PAK5: variants seen among roughly 807,000 people sequenced by gnomAD.
PAK5 encodes p21 (RAC1) activated kinase 5, also known as serine/threonine-protein kinase PAK 5.
PAK5 carries 16 observed loss-of-function variants against 65.9 expected under a neutral mutation model. The ratio of observed to expected loss-of-function variants is 0.24; its 90% CI spans 0.16 to 0.37. PAK5 has a LOEUF of 0.37. Ranked by LOEUF, PAK5 falls within the 10% of genes least tolerant of loss-of-function variation. The pLI is 1.00. For synonymous variants in PAK5, 371 were observed against 354.9 expected, an observed-to-expected ratio of 1.05 and a Z score of -0.51; for missense variants, 785 against 903.9, an observed-to-expected ratio of 0.87 and a Z score of 1.69.
chr20:9,824,352 A>G (rs2123778101), intron 1 of PAK5, among the ~76,000 whole-genome samples: 1 of 152,312 alleles, frequency 6.6e-6, no homozygotes, highest in Admixed American at 6.5e-5. Flanking sequence ...CCAGGAGTTC[A>G]AGACCAGCCT....
intron 3 of PAK5, among the ~76,000 whole-genome samples, chr20:9,609,541 G>C (rs932814624): frequency 2.6e-5 from 4 of 152,170 alleles, no homozygotes; most frequent in Non-Finnish European, 2.9e-5. Context: ...TATGGTGGGG[G>C]TCACATGGAG....
chr20:9,600,586 A>G (rs886594539), intron 3 of PAK5, among the ~76,000 whole-genome samples: 2 of 152,138 alleles, frequency 1.3e-5, no homozygotes, highest in Non-Finnish European at 2.9e-5. Flanking sequence ...ACACAGACTT[A>G]TTTGTCATAA....
intron 7 of PAK5, among the ~76,000 whole-genome samples, chr20:9,546,235 T>C (rs1043187849): frequency 1.3e-5 from 2 of 152,222 alleles, no homozygotes; most frequent in African/African-American, 4.8e-5. Flanking sequence ...TATTAATGTT[T>C]TGCTGTGTGG....
At chr20:9,798,712 G>A (rs550468167) in intron 1 of PAK5, among the ~76,000 whole-genome samples, 4 of 152,242 alleles carry the variant, frequency 2.6e-5, no homozygotes, top group South Asian at 4.1e-4. Context: ...TTTGGGGCTC[G>A]TGAATTTGTA....
At chr20:9,606,662 G>A (rs2046459976) in intron 3 of PAK5, among the ~76,000 whole-genome samples, 1 of 152,160 alleles carries the variant, frequency 6.6e-6, no homozygotes. Flanking sequence ...AGTTGGCAAC[G>A]GTGACCCATG....
chr20:9,768,639 C>T lies in PAK5; in HGVS notation c.-161-57204G>A, dbSNP rs534295420. Among the ~76,000 whole-genome samples, 12 of 151,648 alleles carry T rather than the reference C, an allele frequency of 7.9e-5. No homozygotes were observed. In the South Asian group the frequency reaches 1.3e-3, roughly 16 times the overall value. ...CTCTACTAAAAATACAAAAATTATA[C>T]GGGTATGGTGGCGCGCGGCTGTAGT... On this transcript the variant is annotated intron_variant, in intron 1 of 9. Transcript: ENST00000353224.
chr20:9,703,350 T>C (rs1007370708), intron 2 of PAK5, among the ~76,000 whole-genome samples: 5 of 152,172 alleles, frequency 3.3e-5, no homozygotes, highest in African/African-American at 1.2e-4. Flanking sequence ...AGAATGACCC[T>C]GTATGGTGCA....
chr20:9,629,951 T>C (rs2046900382), intron 3 of PAK5, among the ~76,000 whole-genome samples: 1 of 152,112 alleles, frequency 6.6e-6, no homozygotes, highest in South Asian at 2.1e-4. Flanking sequence ...AATCGGAAAC[T>C]GAAGGAAGGA....
chr20:9,547,818 C>A (rs2045367722), intron 7 of PAK5, among the ~76,000 whole-genome samples: 1 of 152,102 alleles, frequency 6.6e-6, no homozygotes, highest in Admixed American at 6.5e-5. Flanking sequence ...CAAGCCCCAC[C>A]CCAGACCTAC....
At chr20:9,748,789 C>T (rs918758080) in intron 1 of PAK5, among the ~76,000 whole-genome samples, 14 of 152,252 alleles carry the variant, frequency 9.2e-5, no homozygotes, top group Admixed American at 2.0e-4. Flanking sequence ...CTGTCTAATT[C>T]ATTAGCCATT....
chr20:9,829,286 T>C (rs1345697486), intron 1 of PAK5, among the ~76,000 whole-genome samples: 1 of 152,072 alleles, frequency 6.6e-6, no homozygotes, highest in East Asian at 1.9e-4. Context: ...TATTGGAGAG[T>C]CAAAGTGGGT....
intron 1 of PAK5, among the ~76,000 whole-genome samples, chr20:9,734,285 G>C (rs558889350): frequency 1.5e-4 from 23 of 152,258 alleles, no homozygotes; most frequent in Middle Eastern, 3.4e-3. Flanking sequence ...TGCAAAAGCA[G>C]GCCAAAGGTC....
At chr20:9,597,230 T>C (rs2046286388) in intron 3 of PAK5, among the ~76,000 whole-genome samples, 1 of 152,182 alleles carries the variant, frequency 6.6e-6, no homozygotes. Flanking sequence ...CCCTTCTAGC[T>C]TCAAAATTCT....
intron 2 of PAK5, among the ~76,000 whole-genome samples, chr20:9,677,045 A>ATG (rs4053117): frequency 1.4e-3 from 203 of 141,228 alleles, no homozygotes; most frequent in Middle Eastern, 0.011. Flanking sequence ...GGGTATGTGC[A>ATG]TGTGTGTGTG....
intron 1 of PAK5, among the ~76,000 whole-genome samples, chr20:9,778,952 G>A (rs1389473308): frequency 6.6e-6 from 1 of 152,048 alleles, no homozygotes; most frequent in Non-Finnish European, 1.5e-5. Context: ...CTTTCTTCTG[G>A]CCTTTGGGAT....
chr20:9,618,419 T>G (rs1209873757), intron 3 of PAK5, among the ~76,000 whole-genome samples: 1 of 149,922 alleles, frequency 6.7e-6, no homozygotes, highest in South Asian at 2.2e-4. Context: ...TTTTTTTTTT[T>G]TTTTTGAGAC....
intron 1 of PAK5, among the ~76,000 whole-genome samples, chr20:9,772,710 G>A (rs1423542892): frequency 6.6e-6 from 1 of 152,214 alleles, no homozygotes; most frequent in Non-Finnish European, 1.5e-5. Context: ...ATTTACATTT[G>A]CGAAATAATG....
At chr20:9,665,293 T>C (rs1214289152) in intron 2 of PAK5, among the ~76,000 whole-genome samples, 3 of 152,020 alleles carry the variant, frequency 2.0e-5, no homozygotes, top group African/African-American at 7.2e-5. Context: ...AGTTATTTGA[T>C]AAAGCAGGAA....
At chr20:9,741,349 G>A (rs1015022515) in intron 1 of PAK5, among the ~76,000 whole-genome samples, 3 of 152,080 alleles carry the variant, frequency 2.0e-5, no homozygotes, top group Non-Finnish European at 4.4e-5. Context: ...TGAGCCCACC[G>A]TTATTTTTCT....
Sources: allele counts gnomAD v4.1 joint callset (sites outside exome capture counted in the v4.1 genomes callset), GRCh38; gene constraint gnomAD v4.1.1; transcripts MANE v1.5; gene names NCBI Gene and HGNC (gene_info 2026-07-23, HGNC 2026-07-21).